WWOX: variants seen among roughly 807,000 people sequenced by gnomAD.
The protein encoded by WWOX is WW domain-containing oxidoreductase.
In WWOX, 69 loss-of-function variants were observed where a neutral mutation model predicts 46.2. The observed-to-expected ratio is 1.49, with a 90% CI of 1.23 to 1.82. WWOX has a LOEUF of 1.82. Ranked by LOEUF, WWOX falls within the 40% of genes most tolerant of loss-of-function variation. The pLI is 0.00. For synonymous variants in WWOX, 359 were observed against 202.6 expected (o/e 1.77, Z -6.56); for missense variants, 919 against 542.6 (o/e 1.69, Z -6.89).
intron 8 of WWOX, among the ~76,000 whole-genome samples, chr16:78,707,763 G>T (rs547446809): frequency 6.6e-6 from 1 of 151,914 alleles, no homozygotes; most frequent in Admixed American, 6.6e-5. Flanking sequence ...CACACCTGTA[G>T]TCCCAGCTAG....
intron 8 of WWOX, among the ~76,000 whole-genome samples, chr16:78,796,111 T>G (rs1213939883): frequency 6.6e-6 from 1 of 152,230 alleles, no homozygotes; most frequent in Non-Finnish European, 1.5e-5. Context: ...TACCTAGCTA[T>G]CACATTTAGA....
rs58035850 is a variant in WWOX, at chr16:78,802,104, C to G, written c.1056+369352C>G. Reference sequence around the variant, plus strand: ...ATTGTGAAAGTGACAAGGAATGTGCCTGTGCGTGAATCTCACTCTTAGATC... The same window carrying G: ...ATTGTGAAAGTGACAAGGAATGTGCGTGTGCGTGAATCTCACTCTTAGATC... On this transcript the variant is annotated intron_variant, in intron 8 of 8. Transcript: ENST00000566780. Among the ~76,000 whole-genome samples the G allele has an allele frequency of 7.1e-3, 1,073 of 151,922 alleles. 19 individuals are homozygous for G. Among genetic ancestry groups the G allele is most frequent in the African/African-American group, 0.025 (1,029 of 41,390 alleles).
chr16:78,999,145 C>CTTTT (rs761357136), intron 8 of WWOX, among the ~76,000 whole-genome samples: 3 of 141,466 alleles, frequency 2.1e-5, no homozygotes, highest in Admixed American at 7.2e-5. Context: ...GATGCTTCTT[C>CTTTT]TTTTTTTTTT....
At chr16:78,999,347 G>C (rs569601775) in intron 8 of WWOX, among the ~76,000 whole-genome samples, 1 of 152,256 alleles carries the variant, frequency 6.6e-6, no homozygotes, top group East Asian at 1.9e-4. Context: ...GCACATGCCT[G>C]TAATCCCAGC....
intron 5 of WWOX, among the ~76,000 whole-genome samples, chr16:78,319,144 C>A (rs1049346880): frequency 4.6e-5 from 7 of 152,040 alleles, no homozygotes; most frequent in Non-Finnish European, 7.4e-5. Flanking sequence ...AGGACACCGC[C>A]ACACATTGCT....
chr16:78,222,831 G>A (rs948044784), intron 5 of WWOX, among the ~76,000 whole-genome samples: 3 of 152,138 alleles, frequency 2.0e-5, no homozygotes, highest in Admixed American at 1.3e-4. Flanking sequence ...GAAGTGACAC[G>A]CGCTCCAGAT....
chr16:78,663,850 G>C (rs527255558), intron 8 of WWOX, among the ~76,000 whole-genome samples: 10 of 152,254 alleles, frequency 6.6e-5, no homozygotes, highest in African/African-American at 2.4e-4. Flanking sequence ...AAAGGCCCTG[G>C]GGTGGAAACA....
At chr16:78,832,578 T>A (rs1269835530) in intron 8 of WWOX, among the ~76,000 whole-genome samples, 1 of 152,162 alleles carries the variant, frequency 6.6e-6, no homozygotes, top group Non-Finnish European at 1.5e-5. Flanking sequence ...CTTCACTGGT[T>A]CGGCTATTGG....
intron 5 of WWOX, among the ~76,000 whole-genome samples, chr16:78,292,209 G>C (rs866819851): frequency 6.6e-6 from 1 of 151,664 alleles, no homozygotes; most frequent in Non-Finnish European, 1.5e-5. Context: ...TTCAGTTTCT[G>C]TCTCTCACCA....
chr16:78,195,500 A>C (rs955070706), intron 5 of WWOX, among the ~76,000 whole-genome samples: 7 of 152,038 alleles, frequency 4.6e-5, no homozygotes, highest in Non-Finnish European at 5.9e-5. Flanking sequence ...TTAAGATTGC[A>C]GATGCAGGCT....
chr16:78,748,895 C>G (rs918136096), intron 8 of WWOX, among the ~76,000 whole-genome samples: 2 of 152,224 alleles, frequency 1.3e-5, no homozygotes, highest in Non-Finnish European at 2.9e-5. Context: ...ATTTGCAAAG[C>G]AGCCTGACAC....
At chr16:78,104,055 A>G (rs1017896271) in intron 1 of WWOX, among the ~76,000 whole-genome samples, 3 of 151,872 alleles carry the variant, frequency 2.0e-5, no homozygotes, top group African/African-American at 7.3e-5. Flanking sequence ...TTCATGGGAG[A>G]TGGGAAGTGA....
At chr16:78,904,279 G>T (rs990895239) in intron 8 of WWOX, among the ~76,000 whole-genome samples, 3 of 124,084 alleles carry the variant, frequency 2.4e-5, no homozygotes, top group Non-Finnish European at 4.8e-5. Context: ...TCACTCTGTC[G>T]CCAGGCTGGA....
At chr16:79,157,600 G>A (rs550649344) in intron 8 of WWOX, among the ~76,000 whole-genome samples, 1 of 152,290 alleles carries the variant, frequency 6.6e-6, no homozygotes, top group South Asian at 2.1e-4. Flanking sequence ...GCTATCTGGA[G>A]ATGTTTTAAA....
At chr16:78,490,724 T>C (rs2084761834) in intron 8 of WWOX, among the ~76,000 whole-genome samples, 1 of 152,148 alleles carries the variant, frequency 6.6e-6, no homozygotes, top group Non-Finnish European at 1.5e-5. Flanking sequence ...CTGCATTGAC[T>C]CCTGTTTTCT....
chr16:79,061,637 A>G (rs2150549253), intron 8 of WWOX, among the ~76,000 whole-genome samples: 1 of 152,290 alleles, frequency 6.6e-6, no homozygotes, highest in South Asian at 2.1e-4. Flanking sequence ...CCATGACAGT[A>G]TTGGTTCAGG....
chr16:78,606,914 G>A (rs1421808632), intron 8 of WWOX, among the ~76,000 whole-genome samples: 1 of 152,006 alleles, frequency 6.6e-6, no homozygotes, highest in Non-Finnish European at 1.5e-5. Context: ...TGTCTTTTAT[G>A]TCCACAGCGG....
intron 8 of WWOX, among the ~76,000 whole-genome samples, chr16:78,849,099 T>A (rs890767076): frequency 6.6e-6 from 1 of 152,130 alleles, no homozygotes; most frequent in Non-Finnish European, 1.5e-5. Flanking sequence ...CTACTTGGTG[T>A]CCCACGGAGG....
At chr16:78,332,767 G>A (rs1192036366) in intron 5 of WWOX, among the ~76,000 whole-genome samples, 2 of 152,010 alleles carry the variant, frequency 1.3e-5, no homozygotes, top group Admixed American at 1.3e-4. Flanking sequence ...TGTTAAGTGT[G>A]CATTCAGAAC....
Sources: allele counts gnomAD v4.1 joint callset (sites outside exome capture counted in the v4.1 genomes callset), GRCh38; gene constraint gnomAD v4.1.1; transcripts MANE v1.5; gene names NCBI Gene and HGNC (gene_info 2026-07-23, HGNC 2026-07-21).